The following RTCA variants were observed in gnomAD, a reference collection of about 807,000 sequenced individuals.
RTCA encodes the protein RNA terminal phosphate cyclase domain 1.
Under a neutral mutation model 46.1 loss-of-function variants are expected in RTCA, and 37 were observed. The ratio of observed to expected loss-of-function variants is 0.80; its 90% CI spans 0.62 to 1.06. The LOEUF is 1.06. Ranked by LOEUF, RTCA falls within the 50% of genes least tolerant of loss-of-function variation. RTCA has a pLI of 0.00. For missense variants in RTCA, 435 were observed against 455.5 expected (o/e 0.95, Z 0.41); for synonymous variants, 164 against 158.3 (o/e 1.04, Z -0.27).
intron 4 of RTCA, 30 bp downstream of exon 4, chr1:100,270,710 A>G: frequency 1.2e-6 from 2 of 1,610,050 alleles, no homozygotes; most frequent in South Asian, 2.2e-5. Context: ...ACAAACTAAG[A>G]TGATCTCATA....
At chr1:100,287,012 G>A (rs1667068390) in intron 9 of RTCA, 87 bp from the exon 10 acceptor site, 2 of 843,948 alleles carry the variant, frequency 2.4e-6, no homozygotes, top group South Asian at 2.3e-5. Context: ...TTTATTTCTA[G>A]TAGTATTTTT....
chr1:100,266,616 A>G lies in RTCA; in HGVS notation c.138A>G (p.Pro46=). The part of the protein sequence containing the change: ...VQKIRAGRST[P]GLRPQHLSGL... ...AGATCCGAGCCGGCCGGAGCACGCC[A>G]GGCCTGAGGTAAATCTGGCTGGAGG... The change falls in exon 2 of 11, where the codon CCA becomes CCG. Residue 46 remains proline, a synonymous_variant. Transcript: ENST00000370128. 1 of 1,610,986 alleles carries G rather than the reference A, an allele frequency of 6.2e-7. No homozygotes were observed. Among genetic ancestry groups the G allele is most frequent in the South Asian group, 1.1e-5 (1 of 90,764 alleles).
chr1:100,269,534 A>T (rs949031821), intron 3 of RTCA, among the ~76,000 whole-genome samples: 1 of 151,914 alleles, frequency 6.6e-6, no homozygotes, highest in African/African-American at 2.4e-5. Flanking sequence ...GAGTCTCACT[A>T]TGTTGCCCAG....
At chr1:100,274,784 T>C (rs1404382681) in intron 5 of RTCA, 40 bp from the exon 6 acceptor site, 2 of 1,563,764 alleles carry the variant, frequency 1.3e-6, no homozygotes, top group African/African-American at 1.4e-5. Context: ...GTTTTTGTCA[T>C]GCAATCAGTT....
chr1:100,270,276 A>G (rs550243116), intron 3 of RTCA, among the ~76,000 whole-genome samples: 6 of 152,292 alleles, frequency 3.9e-5, no homozygotes, highest in Middle Eastern at 3.4e-3. Flanking sequence ...AACTTAGCCA[A>G]GGTCACACAG....
chr1:100,275,867 G>T, intron 7 of RTCA, 144 bp downstream of exon 7: 1 of 710,380 alleles, frequency 1.4e-6, no homozygotes. Context: ...GTGGAGTCTC[G>T]CTCTGTTGTC....
intron 8 of RTCA, among the ~76,000 whole-genome samples, chr1:100,277,811 G>T (rs1282035188): frequency 6.6e-6 from 1 of 150,952 alleles, no homozygotes; most frequent in Admixed American, 6.6e-5. Context: ...TTGGGGGGGG[G>T]CACATAGCAT....
chr1:100,282,233 A>C (rs985741513), intron 8 of RTCA, among the ~76,000 whole-genome samples: 1 of 152,210 alleles, frequency 6.6e-6, no homozygotes, highest in Non-Finnish European at 1.5e-5. Context: ...AGAACCATTC[A>C]TGCCATTACT....
At position 100,277,329 on chromosome 1, in the gene RTCA, A is replaced by C. The variant is rs779068800; in HGVS notation, c.799+13A>C. 52 of 1,603,900 alleles carry C rather than the reference A, an allele frequency of 3.2e-5. No individual in the cohort carries two copies. Among genetic ancestry groups the C allele is most frequent in the Non-Finnish European group, 1.7e-6 (2 of 1,175,244 alleles). On this transcript the variant is annotated intron_variant, in intron 8 of 10. Coordinates refer to ENST00000370128, the MANE Select transcript of RTCA (RefSeq NM_003729.4). The stretch of plus-strand genomic sequence containing the variant: ...CTTGGTAAACGAGGTAAGATAAATG[A>C]AGGGGGTCCATAGTTCCCAATGCTA...
intron 6 of RTCA, among the ~76,000 whole-genome samples, 173 bp downstream of exon 6, chr1:100,275,138 G>A (rs3131833): frequency 0.98 from 149,631 of 152,344 alleles, 73,550 homozygotes; most frequent in Middle Eastern, 1. Context: ...AAATTAATGT[G>A]GGAACAGAAA....
At chr1:100,267,971 C>T (rs927384153) in intron 2 of RTCA, 181 bp from the exon 3 acceptor site, 6 of 681,484 alleles carry the variant, frequency 8.8e-6, no homozygotes, top group Non-Finnish European at 1.2e-5. Flanking sequence ...TAAAATGATA[C>T]ATACTAGCAG....
chr1:100,284,568 A>G (rs1666921271), intron 8 of RTCA, among the ~76,000 whole-genome samples: 1 of 151,994 alleles, frequency 6.6e-6, no homozygotes, highest in Non-Finnish European at 1.5e-5. Flanking sequence ...TAAATTTTGT[A>G]TTTTTAGTAG....
At chr1:100,267,978 G>A in intron 2 of RTCA, 174 bp from the exon 3 acceptor site, 1 of 721,454 alleles carries the variant, frequency 1.4e-6, no homozygotes, top group Non-Finnish European at 2.3e-6. Context: ...ATACATACTA[G>A]CAGGTAGTCT....
rs552773891 is a variant in RTCA, at chr1:100,270,819, T to C, written c.414+139T>C. 1.9e-3 allele frequency: 2,076 copies of C among 1,109,994 alleles called. 18 individuals are homozygous for C. The highest frequency in any genetic ancestry group is 0.014 in the South Asian group (870 of 64,128). The allele number at this position is 1,109,994 out of a possible 1,614,324, so 68.8% of individuals were successfully genotyped here. A position where few individuals can be genotyped will look rare whatever the true frequency, so the allele number is the denominator to read the frequency against. The stretch of plus-strand genomic sequence containing the variant: ...GTGTCTTTTCTTTCTTTCTTTCTTT[T>C]TTTTTTTGAGACAGTGCTGTTGCCA... On this transcript the variant is annotated intron_variant, in intron 4 of 10. Transcript: ENST00000370128.
rs115116004 is a variant in RTCA, at chr1:100,288,688, G to A, written c.999+1485G>A. Among the ~76,000 whole-genome samples the A allele has an allele frequency of 8.9e-3, 1,351 of 152,228 alleles. 9 individuals carry two copies. Among genetic ancestry groups the A allele is most frequent in the Non-Finnish European group, 0.014 (984 of 68,002 alleles). ...TTACAGGTGTAAGCCAGCATGCCCAGCCCTAGTCTTAAGCATTTTTTAAAG... is the reference window on the plus strand; with the variant it reads ...TTACAGGTGTAAGCCAGCATGCCCAACCCTAGTCTTAAGCATTTTTTAAAG... On this transcript the variant is annotated intron_variant, in intron 10 of 10. Coordinates refer to ENST00000370128, the MANE Select transcript of RTCA (RefSeq NM_003729.4).
In RTCA at chr1:100,266,321, T is replaced by C. The variant is rs1665766051; in HGVS notation, c.-55T>C. On this transcript the variant is annotated 5_prime_UTR_variant, in exon 1 of 11. Transcript: ENST00000370128. ...TGGGCGGGAGCCAACGTCTCTTCTT[T>C]CTCCCGCTCTGGCGGAGGCTTTGTC... is the stretch of plus-strand genomic sequence containing the variant. 11 of 1,594,154 alleles carry C rather than the reference T, an allele frequency of 6.9e-6. No homozygotes were observed. In the South Asian group the frequency reaches 1.2e-4, roughly 18 times the overall value.
intron 8 of RTCA, among the ~76,000 whole-genome samples, chr1:100,284,616 A>T (rs1389054179): frequency 6.6e-6 from 1 of 151,704 alleles, no homozygotes; most frequent in South Asian, 2.1e-4. Context: ...CTGGCCTCAA[A>T]CTCCTGACCT....
chr1:100,266,313 C>G lies in RTCA; in HGVS notation c.-63C>G. ...TGAACTACTGGGCGGGAGCCAACGT[C>G]TCTTCTTTCTCCCGCTCTGGCGGAG... On this transcript the variant is annotated 5_prime_UTR_variant, in exon 1 of 11. Transcript: ENST00000370128. 1 of 1,588,280 alleles carries G rather than the reference C, an allele frequency of 6.3e-7. No homozygotes were observed.
chr1:100,269,131 G>C (rs1246529315), intron 3 of RTCA, among the ~76,000 whole-genome samples: 1 of 151,718 alleles, frequency 6.6e-6, no homozygotes, highest in Non-Finnish European at 1.5e-5. Flanking sequence ...CTTGGAGGTG[G>C]AAGGTGCAGT....
Sources: gnomAD v4.1 joint callset for allele counts (sites outside exome capture counted in the v4.1 genomes callset) on GRCh38, gnomAD v4.1.1 for gene constraint, MANE v1.5 for transcripts, NCBI Gene and HGNC (gene_info 2026-07-23, HGNC 2026-07-21) for gene names.